Variants in AGBL1 observed in about 807,000 individuals in gnomAD.
AGBL1 encodes AGBL carboxypeptidase 1.
A neutral mutation model predicts 118.9 loss-of-function variants in AGBL1; 130 were observed. That is an observed-to-expected ratio of 1.09 (90% CI 0.95 to 1.26). The LOEUF (loss-of-function observed/expected upper bound fraction) is 1.26. Ranked by LOEUF, AGBL1 falls within the 50% of genes most tolerant of loss-of-function variation. The probability of loss-of-function intolerance (pLI) is 0.00; values close to 1 mark genes in which losing one functional copy is unlikely to be tolerated. For synonymous variants in AGBL1, 555 were observed against 478.9 expected (o/e 1.16, Z -2.08); for missense variants, 1,584 against 1,298.1 (o/e 1.22, Z -3.38).
At chr15:86,812,819 G>A (rs1363165222) in intron 22 of AGBL1, among the ~76,000 whole-genome samples, 5 of 152,136 alleles carry the variant, frequency 3.3e-5, no homozygotes, top group African/African-American at 1.2e-4. Flanking sequence ...GAACACAATT[G>A]CTGCTTACAA....
At chr15:86,344,645 C>G (rs748202893) in intron 17 of AGBL1, among the ~76,000 whole-genome samples, 5 of 151,830 alleles carry the variant, frequency 3.3e-5, no homozygotes, top group Admixed American at 6.6e-5. Flanking sequence ...TTCAAATTTT[C>G]TGAGCATCTC....
At chr15:86,857,129 T>C (rs539359763) in intron 22 of AGBL1, among the ~76,000 whole-genome samples, 5 of 152,226 alleles carry the variant, frequency 3.3e-5, no homozygotes. Flanking sequence ...GCTTAATCCT[T>C]CTCCGGTTTA....
rs557226080 is a variant in AGBL1, at chr15:86,619,120, A to AAT, written c.2995-55142_2995-55141dup. On this transcript the variant is annotated intron_variant, in intron 21 of 22. Coordinates refer to ENST00000614907, the MANE Select transcript of AGBL1 (RefSeq NM_001386094.1). ...TTATTCACTCATTCATTTAAAAGCT[A>AAT]ATATATATATATCAAGTGCCTGCTA... Among the ~76,000 whole-genome samples the AAT allele has an allele frequency of 3.4e-3, 510 of 152,030 alleles. 1 individual carries two copies. Among genetic ancestry groups the AAT allele is most frequent in the East Asian group, 6.0e-3 (31 of 5,180 alleles).
chr15:86,128,573 G>A (rs1035557928), intron 1 of AGBL1, among the ~76,000 whole-genome samples: 12 of 152,142 alleles, frequency 7.9e-5, no homozygotes, highest in East Asian at 7.7e-4. Context: ...AGATACAGGC[G>A]CCCCACCTCG....
chr15:86,723,289 A>G (rs1018055551), intron 22 of AGBL1, among the ~76,000 whole-genome samples: 1 of 152,238 alleles, frequency 6.6e-6, no homozygotes, highest in Non-Finnish European at 1.5e-5. Context: ...GATTAAGAAA[A>G]TGTGGCACAT....
At chr15:86,634,180 G>A (rs1455115077) in intron 21 of AGBL1, among the ~76,000 whole-genome samples, 1 of 152,076 alleles carries the variant, frequency 6.6e-6, no homozygotes, top group Non-Finnish European at 1.5e-5. Context: ...TGAAAATAGA[G>A]TTACTATATG....
intron 18 of AGBL1, among the ~76,000 whole-genome samples, chr15:86,456,607 C>A (rs2082261351): frequency 6.6e-6 from 1 of 152,132 alleles, no homozygotes; most frequent in South Asian, 2.1e-4. Flanking sequence ...CTGGATCTCA[C>A]ATTTGGGGCA....
chr15:86,896,939 C>T (rs753007446), intron 22 of AGBL1, among the ~76,000 whole-genome samples: 31 of 152,196 alleles, frequency 2.0e-4, no homozygotes, highest in Middle Eastern at 3.2e-3. Context: ...GTGTCTCCCT[C>T]TACCCACTAC....
chr15:86,817,300 A>AG (rs1484545781), intron 22 of AGBL1, among the ~76,000 whole-genome samples: 1 of 148,854 alleles, frequency 6.7e-6, no homozygotes, highest in Non-Finnish European at 1.5e-5. Flanking sequence ...CTGGAAAAAA[A>AG]AAAAAAAAAA....
chr15:87,015,428 C>A (rs1172378843), intron 24 of AGBL1, among the ~76,000 whole-genome samples: 1 of 152,034 alleles, frequency 6.6e-6, no homozygotes, highest in Non-Finnish European at 1.5e-5. Context: ...CTATTGGCTC[C>A]TTCTCTGGAA....
rs1472757840 is a variant in AGBL1 at position 86,974,539 on chromosome 15, AAAAT to A, written c.3222-13447_3222-13444del. 9.7e-3 allele frequency among the ~76,000 whole-genome samples: 1,263 copies of A among 130,764 alleles called. 44 individuals are homozygous for A. Among genetic ancestry groups the A allele is most frequent in the Middle Eastern group, 0.018 (4 of 222 alleles). The allele number at this position is 130,764 out of a possible 152,430, so 85.8% of individuals were successfully genotyped here. ...ATATATAATATATATTAAATATATA[AAAAT>A]TATATAATTATATAATATAAATTAT... On this transcript the variant is annotated intron_variant, in intron 23 of 24. Transcript: ENST00000441037.
At chr15:86,306,508 G>C (rs2079843499) in intron 17 of AGBL1, among the ~76,000 whole-genome samples, 1 of 151,940 alleles carries the variant, frequency 6.6e-6, no homozygotes, top group African/African-American at 2.4e-5. Flanking sequence ...CTTTTTTATG[G>C]CTGAATAATA....
intron 21 of AGBL1, among the ~76,000 whole-genome samples, chr15:86,634,352 T>C (rs2142446410): frequency 6.6e-6 from 1 of 152,254 alleles, no homozygotes; most frequent in Non-Finnish European, 1.5e-5. Flanking sequence ...CACAATGTGG[T>C]ATTTCCATAG....
intron 24 of AGBL1, among the ~76,000 whole-genome samples, chr15:87,019,419 A>G (rs1478699859): frequency 6.6e-6 from 1 of 152,110 alleles, no homozygotes. Flanking sequence ...TATAACAAAC[A>G]GTCTGTTAGA....
At chr15:86,537,043 A>G (rs987803944) in intron 19 of AGBL1, among the ~76,000 whole-genome samples, 1 of 152,226 alleles carries the variant, frequency 6.6e-6, no homozygotes, top group Non-Finnish European at 1.5e-5. Context: ...CCCAGAGCAA[A>G]GCACAGTCCA....
chr15:86,430,594 A>C (rs2081924084), intron 18 of AGBL1, among the ~76,000 whole-genome samples: 1 of 152,094 alleles, frequency 6.6e-6, no homozygotes, highest in Non-Finnish European at 1.5e-5. Context: ...TCAAAAGCAC[A>C]CATCAAGCTT....
chr15:86,801,199 G>A (rs1206391315), intron 22 of AGBL1, among the ~76,000 whole-genome samples: 2 of 151,922 alleles, frequency 1.3e-5, no homozygotes, highest in African/African-American at 4.8e-5. Flanking sequence ...GTTCTTTTAA[G>A]TTTTTCTTCT....
intron 6 of AGBL1, among the ~76,000 whole-genome samples, chr15:86,240,743 C>A (rs2078628801): frequency 6.6e-6 from 1 of 152,128 alleles, no homozygotes; most frequent in Non-Finnish European, 1.5e-5. Flanking sequence ...GGCTCTGAAA[C>A]AGTAGAGCTA....
intron 22 of AGBL1, among the ~76,000 whole-genome samples, chr15:86,722,614 A>G (rs2086743895): frequency 6.6e-6 from 1 of 152,238 alleles, no homozygotes; most frequent in East Asian, 1.9e-4. Context: ...CTTCCTGTCT[A>G]AAACACCAAA....
Sources: gnomAD v4.1 joint callset for allele counts (sites outside exome capture counted in the v4.1 genomes callset) on GRCh38, gnomAD v4.1.1 for gene constraint, MANE v1.5 for transcripts, NCBI Gene and HGNC (gene_info 2026-07-23, HGNC 2026-07-21) for gene names.